The following CCDC148 variants were observed in gnomAD, a reference collection of about 807,000 sequenced individuals.
CCDC148 encodes coiled-coil domain-containing protein 148.
CCDC148 carries 89 observed loss-of-function variants against 85.7 expected under a neutral mutation model. The observed-to-expected ratio is 1.04, with a 90% CI of 0.87 to 1.24. The LOEUF (loss-of-function observed/expected upper bound fraction) is 1.24. Ranked by LOEUF, CCDC148 falls within the 50% of genes most tolerant of loss-of-function variation. The probability of loss-of-function intolerance (pLI) is 0.00; values close to 1 mark genes in which losing one functional copy is unlikely to be tolerated. For missense variants in CCDC148, 692 were observed against 671.7 expected, an observed-to-expected ratio of 1.03 and a Z score of -0.33; for synonymous variants, 230 against 213.9, an observed-to-expected ratio of 1.08 and a Z score of -0.66.
rs772278221 is a variant in CCDC148 at position 158,338,732 on chromosome 2, A to G, written c.758T>C (p.Ile253Thr). ...LQDFNLQLED[I>T]YRNCQLSEED... The stretch of plus-strand genomic sequence containing the variant: ...CTCAGTTTTATCTTATCACCTGTAT[A>G]TGTCTTCCAACTGCAGATTAAAGTC... The change falls in exon 7 of 14, where the codon ATA (isoleucine) becomes ACA (threonine). Residue 253 changes from isoleucine (I) to threonine (T), a missense_variant. Coordinates refer to ENST00000283233, the MANE Select transcript of CCDC148 (RefSeq NM_138803.4). 3 of 1,603,320 alleles carry G rather than the reference A, an allele frequency of 1.9e-6. No homozygotes were observed. Among genetic ancestry groups the G allele is most frequent in the Middle Eastern group, 3.4e-4 (2 of 5,808 alleles).
intron 8 of CCDC148, among the ~76,000 whole-genome samples, chr2:158,312,469 C>G (rs1692069302): frequency 6.6e-6 from 1 of 150,818 alleles, no homozygotes; most frequent in African/African-American, 2.4e-5. Context: ...GTAGTCCCAG[C>G]TACTCTGGAG....
chr2:158,205,506 G>A (rs745873335), intron 11 of CCDC148, among the ~76,000 whole-genome samples: 1 of 147,298 alleles, frequency 6.8e-6, no homozygotes, highest in Non-Finnish European at 1.5e-5. Flanking sequence ...TGTACTCCGG[G>A]TGCTTTATAT....
At chr2:158,203,624 G>A (rs1298892027) in intron 11 of CCDC148, among the ~76,000 whole-genome samples, 1 of 151,796 alleles carries the variant, frequency 6.6e-6, no homozygotes, top group Non-Finnish European at 1.5e-5. Flanking sequence ...TGTTTCACAT[G>A]GTCTCAAACA....
chr2:158,344,225 G>A (rs1458967844), intron 3 of CCDC148, among the ~76,000 whole-genome samples: 4 of 152,042 alleles, frequency 2.6e-5, no homozygotes, highest in Admixed American at 6.5e-5. Flanking sequence ...CTTTTTGAGG[G>A]ATAAGATGGG....
intron 11 of CCDC148, among the ~76,000 whole-genome samples, chr2:158,197,770 C>T (rs78719464): frequency 0.15 from 23,069 of 152,028 alleles, 2,210 homozygotes; most frequent in Non-Finnish European, 0.21. Flanking sequence ...ATGATAGATA[C>T]AGTTTCTATA....
chr2:158,397,448 G>A (rs1685573081), intron 1 of CCDC148, among the ~76,000 whole-genome samples: 1 of 152,140 alleles, frequency 6.6e-6, no homozygotes, highest in Admixed American at 6.6e-5. Context: ...AACCCTACAA[G>A]CCAGAAGAGA....
At chr2:158,172,447 A>C (rs895799505) in intron 13 of CCDC148, among the ~76,000 whole-genome samples, 188 bp from the exon 14 acceptor site, 1 of 152,044 alleles carries the variant, frequency 6.6e-6, no homozygotes, top group Admixed American at 6.6e-5. Context: ...TTTTCAGTAC[A>C]TCAGTGGTTT....
chr2:158,283,748 C>A (rs867253236), intron 9 of CCDC148, among the ~76,000 whole-genome samples: 1 of 151,370 alleles, frequency 6.6e-6, no homozygotes, highest in Non-Finnish European at 1.5e-5. Flanking sequence ...ACTAGAAATA[C>A]CATTTGACCC....
intron 8 of CCDC148, among the ~76,000 whole-genome samples, chr2:158,312,666 A>G (rs537237385): frequency 7.9e-4 from 120 of 152,248 alleles, no homozygotes; most frequent in African/African-American, 2.7e-3. Context: ...AAAATCTTCA[A>G]GTTATAAATA....
chr2:158,226,074 G>T (rs760810664), intron 10 of CCDC148, among the ~76,000 whole-genome samples: 3 of 151,962 alleles, frequency 2.0e-5, no homozygotes, highest in Non-Finnish European at 4.4e-5. Context: ...TAATAAAGCA[G>T]AAAAGAGAGA....
At chr2:158,194,369 C>T (rs970283526) in intron 11 of CCDC148, among the ~76,000 whole-genome samples, 2 of 152,090 alleles carry the variant, frequency 1.3e-5, no homozygotes, top group African/African-American at 2.4e-5. Flanking sequence ...CTTTCACAGG[C>T]GTCAGCATTT....
At chr2:158,302,993 C>T (rs1691517849) in intron 9 of CCDC148, among the ~76,000 whole-genome samples, 1 of 151,994 alleles carries the variant, frequency 6.6e-6, no homozygotes, top group Non-Finnish European at 1.5e-5. Flanking sequence ...GGTGAGAGGC[C>T]TAAATGCCTC....
At chr2:158,283,221 A>C (rs1690426900) in intron 9 of CCDC148, among the ~76,000 whole-genome samples, 1 of 152,240 alleles carries the variant, frequency 6.6e-6, no homozygotes, top group South Asian at 2.1e-4. Context: ...AGGCATGGGC[A>C]AGGACTTCAT....
At chr2:158,206,959 C>T (rs1686280115) in intron 11 of CCDC148, among the ~76,000 whole-genome samples, 1 of 152,154 alleles carries the variant, frequency 6.6e-6, no homozygotes, top group African/African-American at 2.4e-5. Flanking sequence ...TTTATCAAGG[C>T]TAATCTGACT....
intron 10 of CCDC148, among the ~76,000 whole-genome samples, chr2:158,229,157 C>A (rs1687723215): frequency 6.6e-6 from 1 of 152,158 alleles, no homozygotes; most frequent in East Asian, 1.9e-4. Flanking sequence ...AGGGAACTTC[C>A]TCTTCCTCCA....
chr2:158,260,046 A>G lies in CCDC148; in HGVS notation c.1111-9134T>C, dbSNP rs115882125. Among the ~76,000 whole-genome samples, 741 of 152,060 alleles carry G rather than the reference A, an allele frequency of 4.9e-3. 2 individuals are homozygous for G. The highest frequency in any genetic ancestry group is 0.016 in the African/African-American group (679 of 41,518). ...TTTCAGTTCACTTACATTTGCCACT[A>G]TATAAATTGTTTTATTAATCAATTG... is the stretch of plus-strand genomic sequence containing the variant. On this transcript the variant is annotated intron_variant, in intron 9 of 13. Coordinates refer to ENST00000283233, the MANE Select transcript of CCDC148 (RefSeq NM_138803.4).
intron 13 of CCDC148, among the ~76,000 whole-genome samples, chr2:158,174,063 CT>C (rs1165963625): frequency 6.6e-6 from 1 of 151,942 alleles, no homozygotes; most frequent in Non-Finnish European, 1.5e-5. Flanking sequence ...TTCCCTAAAT[CT>C]GTTTTTCTTT....
intron 1 of CCDC148, among the ~76,000 whole-genome samples, chr2:158,380,228 C>G (rs1684815690): frequency 6.6e-6 from 1 of 152,024 alleles, no homozygotes; most frequent in African/African-American, 2.4e-5. Context: ...CTGGAAATGA[C>G]TTTAAAATTA....
rs374843881 is a variant in CCDC148 at position 158,197,904 on chromosome 2, G to A, written c.1371-18908C>T. 3.8e-5 allele frequency among the ~76,000 whole-genome samples: 5 copies of A among 130,534 alleles called. 1 individual carries two copies. The highest frequency in any genetic ancestry group is 2.0e-4 in the East Asian group (1 of 5,054). The allele number at this position is 130,534 out of a possible 152,430, so 85.6% of individuals were successfully genotyped here. A position where few individuals can be genotyped will look rare whatever the true frequency, so the allele number is the denominator to read the frequency against. ...ACTGGTTAATGCAATTAATTCTAAT[G>A]AATTAATCAATTAATTCTAATGAAT... On this transcript the variant is annotated intron_variant, in intron 11 of 13. Transcript: ENST00000283233.
Sources: allele counts gnomAD v4.1 joint callset (sites outside exome capture counted in the v4.1 genomes callset), GRCh38; gene constraint gnomAD v4.1.1; transcripts MANE v1.5; gene names NCBI Gene and HGNC (gene_info 2026-07-23, HGNC 2026-07-21).